The following AGBL4 variants were observed in gnomAD, a reference collection of about 807,000 sequenced individuals.
AGBL4 encodes AGBL carboxypeptidase 4.
A neutral mutation model predicts 66.4 loss-of-function variants in AGBL4; 58 were observed. The ratio of observed to expected loss-of-function variants is 0.87; its 90% CI spans 0.71 to 1.09. The LOEUF (loss-of-function observed/expected upper bound fraction) is 1.09, where lower values mean the gene tolerates loss of function less well. AGBL4 is among the 50% of genes least tolerant of loss of function. AGBL4 has a pLI of 0.00. For missense variants in AGBL4, 579 were observed against 631.0 expected (o/e 0.92, Z 0.88); for synonymous variants, 234 against 222.9 (o/e 1.05, Z -0.44).
At chr1:49,458,119 T>C (rs1469810238) in intron 3 of AGBL4, among the ~76,000 whole-genome samples, 1 of 151,756 alleles carries the variant, frequency 6.6e-6, no homozygotes, top group African/African-American at 2.4e-5. Context: ...GGAAATTGCA[T>C]TGAATTGTAG....
chr1:49,315,146 GC>G (rs1388269800), intron 3 of AGBL4, among the ~76,000 whole-genome samples: 1 of 152,182 alleles, frequency 6.6e-6, no homozygotes, highest in African/African-American at 2.4e-5. Flanking sequence ...AATGGGGAAA[GC>G]TTTGCCTATT....
At chr1:49,401,687 C>A (rs949125918) in intron 3 of AGBL4, among the ~76,000 whole-genome samples, 1 of 152,092 alleles carries the variant, frequency 6.6e-6, no homozygotes, top group Admixed American at 6.6e-5. Context: ...CAGGGTAATA[C>A]TGGCCTCATT....
intron 7 of AGBL4, among the ~76,000 whole-genome samples, chr1:48,655,555 G>A (rs1258288421): frequency 6.6e-6 from 1 of 152,182 alleles, no homozygotes; most frequent in Non-Finnish European, 1.5e-5. Flanking sequence ...TTGATATAGG[G>A]ATAGTAATAC....
intron 6 of AGBL4, among the ~76,000 whole-genome samples, chr1:48,837,768 A>G (rs1646718863): frequency 7.9e-6 from 1 of 126,756 alleles, no homozygotes; most frequent in Non-Finnish European, 1.7e-5. Flanking sequence ...TCTCTAGAGA[A>G]CCCTGACTAA....
At chr1:49,245,062 A>G (rs1230300334) in intron 4 of AGBL4, among the ~76,000 whole-genome samples, 1 of 151,766 alleles carries the variant, frequency 6.6e-6, no homozygotes, top group Non-Finnish European at 1.5e-5. Context: ...GATACTTAAA[A>G]TTTCCTTTGC....
chr1:48,839,246 T>G (rs560700719), intron 6 of AGBL4, among the ~76,000 whole-genome samples: 2 of 152,218 alleles, frequency 1.3e-5, no homozygotes, highest in Admixed American at 1.3e-4. Context: ...TGCAGCACTA[T>G]TCATAACAGC....
At chr1:49,880,088 T>C (rs1260201464) in intron 1 of AGBL4, among the ~76,000 whole-genome samples, 1 of 151,976 alleles carries the variant, frequency 6.6e-6, no homozygotes, top group Non-Finnish European at 1.5e-5. Context: ...GTCTTCAACT[T>C]CTTTGCCTTT....
At chr1:49,448,810 T>C (rs1295337563) in intron 3 of AGBL4, among the ~76,000 whole-genome samples, 1 of 152,140 alleles carries the variant, frequency 6.6e-6, no homozygotes, top group Non-Finnish European at 1.5e-5. Context: ...TTAAGATGAA[T>C]GCTATTTAAG....
chr1:48,689,768 G>T lies in AGBL4; in HGVS notation c.635-26527C>A, dbSNP rs143500124. On this transcript the variant is annotated intron_variant, in intron 6 of 13. Coordinates refer to ENST00000371839, the MANE Select transcript of AGBL4 (RefSeq NM_032785.4). ...TAAAAAATAAAATTTAGCCAGGTGT[G>T]GTGGCATGTACCTGTAGTCCCAGCT... is the stretch of plus-strand genomic sequence containing the variant. Among the ~76,000 whole-genome samples, 632 of 152,284 alleles carry T rather than the reference G, an allele frequency of 4.2e-3. 5 individuals are homozygous for T. The highest frequency in any genetic ancestry group is 0.015 in the African/African-American group (614 of 41,558).
intron 1 of AGBL4, among the ~76,000 whole-genome samples, chr1:49,997,230 G>A (rs1334030942): frequency 6.6e-6 from 1 of 152,086 alleles, no homozygotes; most frequent in Admixed American, 6.5e-5. Context: ...AATATAAATG[G>A]CCTAAATGCT....
intron 6 of AGBL4, among the ~76,000 whole-genome samples, chr1:48,796,824 C>G (rs997433308): frequency 2.0e-5 from 3 of 152,156 alleles, no homozygotes. Context: ...CCACAGAATG[C>G]CCCTGATCAA....
At chr1:49,515,614 A>T (rs1041845692) in intron 3 of AGBL4, among the ~76,000 whole-genome samples, 3 of 151,732 alleles carry the variant, frequency 2.0e-5, no homozygotes, top group Non-Finnish European at 4.4e-5. Context: ...CACTATTCAC[A>T]ATAGCAAAGA....
At chr1:49,072,840 C>T (rs2147939055) in intron 4 of AGBL4, among the ~76,000 whole-genome samples, 1 of 152,302 alleles carries the variant, frequency 6.6e-6, no homozygotes, top group East Asian at 1.9e-4. Flanking sequence ...AGAGTGTTTT[C>T]CAACTTGTTT....
At chr1:48,566,497 C>G (rs1644477672) in intron 11 of AGBL4, among the ~76,000 whole-genome samples, 1 of 152,234 alleles carries the variant, frequency 6.6e-6, no homozygotes, top group South Asian at 2.1e-4. Context: ...AACCAAAAGA[C>G]TTTGGGTCAA....
rs1643916831 is a variant in AGBL4 at position 48,533,063 on chromosome 1, A to AACAC, written c.*1109_*1110insGTGT. On this transcript the variant is annotated 3_prime_UTR_variant, in exon 14 of 14. Transcript: ENST00000371839. ...AAACAAACAAACAAACAAACAAACA[A>AACAC]ACAAAAAATGCTTTAGTGGAGCTCT... 6.5e-6 allele frequency: 1 copy of AACAC among 152,712 alleles called. No homozygotes were observed. The highest frequency in any genetic ancestry group is 2.4e-5 in the African/African-American group (1 of 41,392). 9.5% of individuals were successfully genotyped at this position (152,712 alleles called of 1,614,324 possible).
intron 1 of AGBL4, among the ~76,000 whole-genome samples, chr1:49,902,544 C>A (rs1649861841): frequency 6.6e-6 from 1 of 152,084 alleles, no homozygotes; most frequent in African/African-American, 2.4e-5. Flanking sequence ...GTCAGGAGTT[C>A]AAGATCAGCC....
chr1:49,742,767 T>C (rs1650628773), intron 2 of AGBL4, among the ~76,000 whole-genome samples: 1 of 152,144 alleles, frequency 6.6e-6, no homozygotes, highest in African/African-American at 2.4e-5. Context: ...AACAATCTGA[T>C]CTTTGACAAA....
At chr1:49,929,389 T>G (rs920943243) in intron 1 of AGBL4, among the ~76,000 whole-genome samples, 64 of 152,002 alleles carry the variant, frequency 4.2e-4, no homozygotes, top group African/African-American at 1.5e-3. Context: ...AATGTAAGAA[T>G]AGCTTATTTC....
intron 3 of AGBL4, among the ~76,000 whole-genome samples, chr1:49,311,116 G>A (rs1644934592): frequency 6.6e-6 from 1 of 152,044 alleles, no homozygotes; most frequent in African/African-American, 2.4e-5. Flanking sequence ...CTTAGTGATA[G>A]ATAGTGATCG....
Sources: allele counts gnomAD v4.1 joint callset (sites outside exome capture counted in the v4.1 genomes callset), GRCh38; gene constraint gnomAD v4.1.1; transcripts MANE v1.5; gene names NCBI Gene and HGNC (gene_info 2026-07-23, HGNC 2026-07-21).